Variants in FRMPD4 observed in about 807,000 individuals in gnomAD.
The protein encoded by FRMPD4 is FERM and PDZ domain-containing protein 4.
A neutral mutation model predicts 94.1 loss-of-function variants in FRMPD4; 22 were observed. That is an observed-to-expected ratio of 0.23 (90% confidence interval 0.17 to 0.33). The LOEUF is 0.33. Among genes scored for constraint, FRMPD4 ranks in the 10% least tolerant of loss-of-function variants. FRMPD4 has a pLI of 1.00. For missense variants in FRMPD4, 1,111 were observed against 1,339.9 expected (o/e 0.83, Z 2.67); for synonymous variants, 631 against 548.6 (o/e 1.15, Z -2.10).
intron 1 of FRMPD4, among the ~76,000 whole-genome samples, chrX:12,426,834 C>T (rs181687335): frequency 2.7e-5 from 3 of 109,291 alleles, no homozygotes; most frequent in African/African-American, 6.8e-5. Flanking sequence ...GGAAATAAAA[C>T]GCCCTCCATC....
chrX:12,712,378 G>A (rs775502053), intron 14 of FRMPD4, among the ~76,000 whole-genome samples: 2 of 110,780 alleles, frequency 1.8e-5, no homozygotes, highest in East Asian at 2.8e-4. Context: ...GGGAGACATC[G>A]TCTCTACAAA....
chrX:12,488,201 C>T (rs1180174565), intron 1 of FRMPD4, among the ~76,000 whole-genome samples: 5 of 111,647 alleles, frequency 4.5e-5, no homozygotes, highest in African/African-American at 1.6e-4. Context: ...GCAAGCCAAA[C>T]TCAAACATGT....
chrX:11,978,411 G>C (rs904897485), intron 3 of FRMPD4, among the ~76,000 whole-genome samples: 3 of 107,313 alleles, frequency 2.8e-5, no homozygotes, highest in Admixed American at 2.0e-4. Context: ...TTTATTTTTG[G>C]TTTACAAGAA....
intron 1 of FRMPD4, among the ~76,000 whole-genome samples, chrX:12,262,108 C>A (rs1056895237): frequency 1.8e-5 from 2 of 111,342 alleles, no homozygotes; most frequent in Non-Finnish European, 3.8e-5. Context: ...CAAATCTTGT[C>A]CCCTGCCTGT....
At chrX:12,515,315 T>A (rs2058085273) in intron 2 of FRMPD4, among the ~76,000 whole-genome samples, 1 of 111,654 alleles carries the variant, frequency 9.0e-6, no homozygotes, top group Admixed American at 9.5e-5. Context: ...TTGAGATCTT[T>A]CTAGCTTTTC....
At chrX:11,889,150 T>C (rs182517735) in intron 3 of FRMPD4, among the ~76,000 whole-genome samples, 35 of 112,548 alleles carry the variant, frequency 3.1e-4, no homozygotes, top group African/African-American at 1.1e-3. Flanking sequence ...TCTAACTTTT[T>C]TGTAATATAT....
At chrX:12,006,366 A>G in intron 3 of FRMPD4, among the ~76,000 whole-genome samples, 1 of 112,510 alleles carries the variant, frequency 8.9e-6, no homozygotes, top group East Asian at 2.8e-4. Context: ...TATATTGAAG[A>G]AGGGATAACT....
At chrX:12,103,094 T>C (rs2055268853) in intron 3 of FRMPD4, among the ~76,000 whole-genome samples, 1 of 111,511 alleles carries the variant, frequency 9.0e-6, no homozygotes, top group Non-Finnish European at 1.9e-5. Flanking sequence ...TCTTGAGATA[T>C]CCTCTCCCCA....
chrX:12,604,152 T>C (rs1433902836), intron 2 of FRMPD4, among the ~76,000 whole-genome samples: 2 of 109,173 alleles, frequency 1.8e-5, no homozygotes, highest in African/African-American at 6.7e-5. Context: ...TGAAGAAATA[T>C]AGGCCAATGT....
intron 3 of FRMPD4, among the ~76,000 whole-genome samples, chrX:12,018,029 G>T (rs776482733): frequency 9.0e-6 from 1 of 110,993 alleles, no homozygotes; most frequent in Admixed American, 9.6e-5. Context: ...TTGTAACTAA[G>T]ATAATGAGAG....
chrX:12,350,901 C>T (rs2055792901), intron 1 of FRMPD4, among the ~76,000 whole-genome samples: 1 of 112,496 alleles, frequency 8.9e-6, no homozygotes. Flanking sequence ...ATTGGCCGGG[C>T]ACAGTGGCTC....
At chrX:12,406,504 G>C (rs887743047) in intron 1 of FRMPD4, among the ~76,000 whole-genome samples, 1 of 112,139 alleles carries the variant, frequency 8.9e-6, no homozygotes, top group South Asian at 3.7e-4. Context: ...TGCCCTTGGG[G>C]CAATGCAGCC....
chrX:12,460,954 T>C (rs992668664), intron 1 of FRMPD4, among the ~76,000 whole-genome samples: 1 of 112,406 alleles, frequency 8.9e-6, no homozygotes, highest in African/African-American at 3.2e-5. Flanking sequence ...TTGGAAGAGA[T>C]TGTCCTTTAT....
intron 4 of FRMPD4, among the ~76,000 whole-genome samples, chrX:12,618,369 C>A (rs1015181947): frequency 9.0e-6 from 1 of 111,480 alleles, no homozygotes; most frequent in Non-Finnish European, 1.9e-5. Context: ...TGTATAGATA[C>A]GTAGGCATGA....
At chrX:12,152,945 G>A (rs867309677) in intron 1 of FRMPD4, among the ~76,000 whole-genome samples, 2 of 21,053 alleles carry the variant, frequency 9.5e-5, no homozygotes, top group African/African-American at 3.3e-4. Context: ...TTTTTTTTTT[G>A]AGACGGAGTC....
At chrX:12,539,369 A>C (rs1427535835) in intron 2 of FRMPD4, among the ~76,000 whole-genome samples, 1 of 112,206 alleles carries the variant, frequency 8.9e-6, no homozygotes, top group Non-Finnish European at 1.9e-5. Flanking sequence ...ACTCTGCAGG[A>C]TATTATCCAG....
intron 1 of FRMPD4, among the ~76,000 whole-genome samples, chrX:12,233,862 C>A: frequency 9.0e-6 from 1 of 111,701 alleles, no homozygotes; most frequent in Admixed American, 9.5e-5. Context: ...TCCCAGGGAT[C>A]TTACAATAGT....
chrX:12,720,729 T>G lies in FRMPD4; in HGVS notation c.4160T>G (p.Leu1387Arg), dbSNP rs2042222446. ...GCTGTGAGCTGGCGGCCACCGGATC[T>G]GAGAGGGGGGAGCCTCAGGACACCT... Reference protein sequence around the residue: ...GEAVSWRPPDLRGGSLRTPPS... With the variant: ...GEAVSWRPPDRRGGSLRTPPS... Residue 1387 changes from leucine to arginine, a missense_variant, in exon 17 of 17, where the codon CTG becomes CGG. Around this residue, in one of 8 missense-constraint regions of FRMPD4, gnomAD observed 551 missense variants for 591.6 expected, o/e 0.93. Transcript: ENST00000675598. The G allele has an allele frequency of 1.9e-6, 2 of 1,069,670 alleles. No individual in the cohort carries two copies. Among genetic ancestry groups the G allele is most frequent in the Admixed American group, 3.7e-5 (1 of 26,775 alleles). The allele number at this position is 1,069,670 out of a possible 1,213,427, so 88.2% of individuals were successfully genotyped here.
chrX:12,694,791 T>C (rs1247410392), intron 9 of FRMPD4, among the ~76,000 whole-genome samples: 1 of 111,913 alleles, frequency 8.9e-6, no homozygotes, highest in African/African-American at 3.2e-5. Flanking sequence ...TTCTAAACCA[T>C]ATGAAGGTCA....
Sources: allele counts gnomAD v4.1 joint callset (sites outside exome capture counted in the v4.1 genomes callset), GRCh38; gene constraint gnomAD v4.1.1; regional missense constraint gnomAD v4.1.1; transcripts MANE v1.5; gene names NCBI Gene and HGNC (gene_info 2026-07-23, HGNC 2026-07-21).